Variants in CHN2 observed in about 807,000 individuals in gnomAD.
CHN2 encodes the protein chimerin 2.
Under a neutral mutation model 56.3 loss-of-function variants are expected in CHN2, and 35 were observed. The ratio of observed to expected loss-of-function variants is 0.62; its 90% CI spans 0.47 to 0.82. The LOEUF (loss-of-function observed/expected upper bound fraction) is 0.82. Ranked by LOEUF, CHN2 falls within the 40% of genes least tolerant of loss-of-function variation. The pLI is 0.00. For missense variants in CHN2, 491 were observed against 580.5 expected, an observed-to-expected ratio of 0.85 and a Z score of 1.58; for synonymous variants, 210 against 212.8, an observed-to-expected ratio of 0.99 and a Z score of 0.12.
chr7:29,459,759 A>G (rs1001749654), intron 6 of CHN2, among the ~76,000 whole-genome samples: 4 of 152,180 alleles, frequency 2.6e-5, no homozygotes, highest in Non-Finnish European at 5.9e-5. Flanking sequence ...TCCTCCCTGC[A>G]TGGCAGGCTC....
chr7:29,171,036 T>C (rs1796536497), intron 2 of CHN2, among the ~76,000 whole-genome samples: 1 of 152,132 alleles, frequency 6.6e-6, no homozygotes, highest in African/African-American at 2.4e-5. Flanking sequence ...AGCCAAACCA[T>C]ATCACTTACA....
chr7:29,152,025 A>G (rs1793663537), intron 2 of CHN2, among the ~76,000 whole-genome samples: 1 of 152,176 alleles, frequency 6.6e-6, no homozygotes, highest in South Asian at 2.1e-4. Flanking sequence ...TCGAATGGAA[A>G]TAGTGGTTAG....
chr7:29,474,419 G>T (rs1786418678), intron 6 of CHN2, among the ~76,000 whole-genome samples: 1 of 152,082 alleles, frequency 6.6e-6, no homozygotes, highest in Admixed American at 6.5e-5. Flanking sequence ...TAGAATAATT[G>T]GATCAATGCA....
chr7:29,195,234 T>C, intron 1 of CHN2: 1 of 436,220 alleles, frequency 2.3e-6, no homozygotes, highest in Non-Finnish European at 4.0e-6. Flanking sequence ...CGGACGCGGG[T>C]GTTCCGGGGC....
At chr7:29,294,210 G>T (rs1157568749) in intron 1 of CHN2, among the ~76,000 whole-genome samples, 1 of 151,994 alleles carries the variant, frequency 6.6e-6, no homozygotes, top group Non-Finnish European at 1.5e-5. Flanking sequence ...TTGTATCTCC[G>T]GCACCTGGAA....
chr7:29,175,909 G>A (rs749243204), intron 2 of CHN2, among the ~76,000 whole-genome samples: 6 of 151,938 alleles, frequency 3.9e-5, no homozygotes, highest in Non-Finnish European at 8.8e-5. Flanking sequence ...AAGACCAGAC[G>A]GGCGCGGTGG....
rs1175429614 is a variant in CHN2 at position 29,233,825 on chromosome 7, ATTTTTTT to A, written c.49+38855_49+38861del. Among the ~76,000 whole-genome samples the A allele has an allele frequency of 2.0e-3, 108 of 53,200 alleles. 2 individuals are homozygous for A. The highest frequency in any genetic ancestry group is 3.7e-3 in the South Asian group (5 of 1,356). The allele number at this position is 53,200 out of a possible 152,430, so 34.9% of individuals were successfully genotyped here. On this transcript the variant is annotated intron_variant, in intron 1 of 12. Coordinates refer to ENST00000222792, the MANE Select transcript of CHN2 (RefSeq NM_004067.4). ...AGAATGCAGCCCTGCCAACACCTTGATTTTTTTTTTTTTTTTTTTTTTTTTTGAGATG... is the reference window on the plus strand; with the variant it reads ...AGAATGCAGCCCTGCCAACACCTTGATTTTTTTTTTTTTTTTTTTGAGATG...
intron 1 of CHN2, among the ~76,000 whole-genome samples, chr7:29,336,919 C>A (rs1275137984): frequency 6.6e-6 from 1 of 152,190 alleles, no homozygotes; most frequent in Non-Finnish European, 1.5e-5. Flanking sequence ...CACTGCCCAG[C>A]TCCAATGTCA....
chr7:29,210,517 CA>C (rs1393406960), intron 1 of CHN2, among the ~76,000 whole-genome samples: 2 of 151,918 alleles, frequency 1.3e-5, no homozygotes, highest in East Asian at 3.9e-4. Context: ...CTGCAATGAA[CA>C]AAACAGACAA....
chr7:29,483,560 A>G (rs956695434), intron 7 of CHN2, among the ~76,000 whole-genome samples: 1 of 151,940 alleles, frequency 6.6e-6, no homozygotes, highest in Non-Finnish European at 1.5e-5. Context: ...TGTTGGAGGA[A>G]TGGTGAAATT....
At chr7:29,337,001 A>C (rs1796678771) in intron 1 of CHN2, among the ~76,000 whole-genome samples, 1 of 151,828 alleles carries the variant, frequency 6.6e-6, no homozygotes, top group South Asian at 2.1e-4. Context: ...GTCTTCCGGC[A>C]CCCACCACCC....
At chr7:29,336,649 A>C (rs1208991618) in intron 1 of CHN2, among the ~76,000 whole-genome samples, 1 of 149,788 alleles carries the variant, frequency 6.7e-6, no homozygotes, top group East Asian at 2.0e-4. Context: ...AGTCCTTGCT[A>C]CTCCAGAGTC....
intron 1 of CHN2, among the ~76,000 whole-genome samples, chr7:29,299,784 C>T (rs1793500192): frequency 6.6e-6 from 1 of 152,038 alleles, no homozygotes; most frequent in African/African-American, 2.4e-5. Flanking sequence ...GAGCTAGAAA[C>T]ACAAATAACT....
At chr7:29,296,880 T>C (rs1413977916) in intron 1 of CHN2, among the ~76,000 whole-genome samples, 1 of 152,178 alleles carries the variant, frequency 6.6e-6, no homozygotes, top group Non-Finnish European at 1.5e-5. Context: ...GTAACCTGAA[T>C]TCATGCACAA....
intron 7 of CHN2, among the ~76,000 whole-genome samples, chr7:29,487,517 T>C (rs149681149): frequency 2.6e-4 from 39 of 152,252 alleles, no homozygotes; most frequent in African/African-American, 9.2e-4. Context: ...CCCTGGAAAC[T>C]ATCTTAAGCT....
chr7:29,378,496 T>C (rs192409158), intron 3 of CHN2, among the ~76,000 whole-genome samples: 6 of 152,190 alleles, frequency 3.9e-5, no homozygotes, highest in Non-Finnish European at 7.3e-5. Context: ...AAAGTTTTAT[T>C]AGAACGCAGC....
chr7:29,160,745 G>A (rs1180281767), intron 2 of CHN2, among the ~76,000 whole-genome samples: 2 of 152,156 alleles, frequency 1.3e-5, no homozygotes, highest in Admixed American at 1.3e-4. Flanking sequence ...AGGCAGAGAG[G>A]AAGGGCTAAA....
At chr7:29,232,644 G>A (rs765043070) in intron 1 of CHN2, among the ~76,000 whole-genome samples, 18 of 148,992 alleles carry the variant, frequency 1.2e-4, no homozygotes, top group Non-Finnish European at 2.5e-4. Context: ...CAAGAATAGC[G>A]GTGCGTCTTT....
At chr7:29,475,292 C>G (rs1786499656) in intron 6 of CHN2, among the ~76,000 whole-genome samples, 1 of 152,200 alleles carries the variant, frequency 6.6e-6, no homozygotes. Flanking sequence ...ATAGCCCCAC[C>G]TACTTCCAGA....
Sources: gnomAD v4.1 joint callset for allele counts (sites outside exome capture counted in the v4.1 genomes callset) on GRCh38, gnomAD v4.1.1 for gene constraint, MANE v1.5 for transcripts, NCBI Gene and HGNC (gene_info 2026-07-23, HGNC 2026-07-21) for gene names.